RIC8B: variants seen among roughly 807,000 people sequenced by gnomAD.
The protein encoded by RIC8B is chaperone Ric-8B.
In RIC8B, 16 loss-of-function variants were observed where a neutral mutation model predicts 57.5. That is an observed-to-expected ratio of 0.28 (90% CI 0.19 to 0.42). The LOEUF is 0.42. Ranked by LOEUF, RIC8B falls within the 10% of genes least tolerant of loss-of-function variation. The pLI, the probability that RIC8B is intolerant of heterozygous loss-of-function variation, is 1.00. For missense variants in RIC8B, 481 were observed against 677.0 expected (o/e 0.71, Z 3.21); for synonymous variants, 216 against 250.8 (o/e 0.86, Z 1.31).
chr12:106,853,978 G>A (rs1174535017), intron 7 of RIC8B, among the ~76,000 whole-genome samples: 1 of 152,172 alleles, frequency 6.6e-6, no homozygotes, highest in East Asian at 1.9e-4. Context: ...GGTAATAAAA[G>A]TAAGTCAAGT....
intron 1 of RIC8B, among the ~76,000 whole-genome samples, chr12:106,782,935 T>C (rs952352086): frequency 6.6e-6 from 1 of 152,180 alleles, no homozygotes; most frequent in Admixed American, 6.5e-5. Context: ...TGTTTTTTAA[T>C]AGAAAGGCTT....
chr12:106,824,781 C>G (rs1018227926), intron 3 of RIC8B, among the ~76,000 whole-genome samples: 2 of 151,826 alleles, frequency 1.3e-5, no homozygotes, highest in Non-Finnish European at 2.9e-5. Flanking sequence ...GTGGCGGGCA[C>G]CTGTAATCCC....
intron 1 of RIC8B, among the ~76,000 whole-genome samples, chr12:106,776,750 TCTTG>T (rs2043514965): frequency 6.6e-6 from 1 of 152,216 alleles, no homozygotes; most frequent in Non-Finnish European, 1.5e-5. Context: ...GCATGGTGTG[TCTTG>T]CTTAAGGTGG....
chr12:106,831,222 G>A (rs551194516), intron 4 of RIC8B, among the ~76,000 whole-genome samples: 26 of 152,316 alleles, frequency 1.7e-4, no homozygotes, highest in Admixed American at 1.4e-3. Context: ...CTAAGGGAAA[G>A]TTTTACCTAA....
chr12:106,783,672 C>G (rs1383189994), intron 1 of RIC8B, among the ~76,000 whole-genome samples: 1 of 152,190 alleles, frequency 6.6e-6, no homozygotes. Flanking sequence ...TCCTGGAATG[C>G]ATTCCATTTG....
intron 3 of RIC8B, chr12:106,822,549 G>C (rs2045903959): frequency 6.6e-6 from 1 of 152,174 alleles, no homozygotes; most frequent in South Asian, 2.1e-4. Context: ...TTCATACATT[G>C]GAATACTATA....
chr12:106,885,995 A>C lies in RIC8B; in HGVS notation c.1663A>C (p.Thr555Pro), dbSNP rs779172831. Residue 555 changes from threonine to proline, a missense_variant, in exon 10 of 10, where the codon ACC becomes CCC. Transcript: ENST00000392837. Reference sequence around the variant, plus strand: ...CAACCAGTACTCTGTCATCGAAGAGACCAGCTCTGACACAGACTAAAAGCA... The same window carrying C: ...CAACCAGTACTCTGTCATCGAAGAGCCCAGCTCTGACACAGACTAAAAGCA... Reference protein sequence around the residue: ...ALNQYSVIEETSSDTD With the variant: ...ALNQYSVIEEPSSDTD 6.2e-5 allele frequency: 100 copies of C among 1,612,354 alleles called. 1 individual carries two copies. The South Asian group carries it at 7.2e-4, about 12-fold the overall frequency.
Position 106,836,037 on chromosome 12 carries a change from G to A in RIC8B, c.837-6552G>A, listed in dbSNP as rs1293245329. Among the ~76,000 whole-genome samples, 5 of 152,266 alleles carry A rather than the reference G, an allele frequency of 3.3e-5. No individual in the cohort carries two copies. The East Asian group carries it at 9.6e-4, about 29-fold the overall frequency. ...TAGCCTCACTACTCCACTTAGAATG[G>A]CTATTGTTAGGGTCACTAGTGACTT... On this transcript the variant is annotated intron_variant, in intron 4 of 9. Transcript: ENST00000392837.
At chr12:106,863,701 C>T (rs753123877) in intron 8 of RIC8B, among the ~76,000 whole-genome samples, 3 of 151,996 alleles carry the variant, frequency 2.0e-5, no homozygotes, top group Non-Finnish European at 4.4e-5. Flanking sequence ...AGTCATAAAA[C>T]GTATCTAAAT....
At chr12:106,820,767 C>G (rs2045804481) in intron 3 of RIC8B, among the ~76,000 whole-genome samples, 1 of 152,132 alleles carries the variant, frequency 6.6e-6, no homozygotes, top group African/African-American at 2.4e-5. Context: ...GAGGTTAGTT[C>G]CATGCTTATT....
At position 106,803,802 on chromosome 12, in the gene RIC8B, A is replaced by G. The variant is rs541098216; in HGVS notation, c.133-10894A>G. ...TACATGTGGACTTATTTCAATCAGA[A>G]AAACAAGCCACCTTTAAAATGTTGC... On this transcript the variant is annotated intron_variant, in intron 2 of 9. Coordinates refer to ENST00000392837, the MANE Select transcript of RIC8B (RefSeq NM_001330145.2). 1.2e-4 allele frequency among the ~76,000 whole-genome samples: 19 copies of G among 152,328 alleles called. No homozygotes were observed. The South Asian group carries it at 1.7e-3, about 13-fold the overall frequency.
chr12:106,812,829 A>C (rs1234740873), intron 2 of RIC8B, among the ~76,000 whole-genome samples: 1 of 152,202 alleles, frequency 6.6e-6, no homozygotes, highest in East Asian at 1.9e-4. Context: ...ATGATAGTAA[A>C]ATATTAAGAG....
chr12:106,836,701 C>A, intron 4 of RIC8B, among the ~76,000 whole-genome samples: 1 of 152,238 alleles, frequency 6.6e-6, no homozygotes, highest in East Asian at 1.9e-4. Flanking sequence ...GGCCTACTGA[C>A]TGTCCTCAAT....
intron 9 of RIC8B, chr12:106,874,673 T>C (rs958389767): frequency 8.2e-6 from 7 of 853,102 alleles, no homozygotes; most frequent in Non-Finnish European, 1.3e-5. Context: ...ACATTTCTAT[T>C]TTGCCTCCAT....
At chr12:106,849,133 GT>G (rs1262094581) in intron 6 of RIC8B, among the ~76,000 whole-genome samples, 1 of 151,932 alleles carries the variant, frequency 6.6e-6, no homozygotes. Context: ...TAATTGGATT[GT>G]TTGTAACAGA....
intron 7 of RIC8B, among the ~76,000 whole-genome samples, chr12:106,857,211 A>G (rs1405848199): frequency 2.6e-5 from 4 of 152,136 alleles, no homozygotes; most frequent in Admixed American, 2.6e-4. Flanking sequence ...TGGAATAAGA[A>G]ATGGAGGAGT....
At chr12:106,861,540 T>C (rs1362312414) in intron 8 of RIC8B, among the ~76,000 whole-genome samples, 3 of 151,886 alleles carry the variant, frequency 2.0e-5, no homozygotes, top group Non-Finnish European at 4.4e-5. Flanking sequence ...ATAAAGACTT[T>C]TTGGGGGAAA....
At chr12:106,799,324 T>C (rs2044624121) in intron 2 of RIC8B, among the ~76,000 whole-genome samples, 1 of 152,210 alleles carries the variant, frequency 6.6e-6, no homozygotes. Flanking sequence ...GTAATGTGCA[T>C]CAACCTCCTA....
intron 3 of RIC8B, among the ~76,000 whole-genome samples, chr12:106,816,547 C>T (rs1292986373): frequency 6.6e-6 from 1 of 152,030 alleles, no homozygotes. Context: ...TATTTGGTAC[C>T]TTCTATGGTT....
Sources: gnomAD v4.1 joint callset for allele counts (sites outside exome capture counted in the v4.1 genomes callset) on GRCh38, gnomAD v4.1.1 for gene constraint, MANE v1.5 for transcripts, NCBI Gene and HGNC (gene_info 2026-07-23, HGNC 2026-07-21) for gene names.